The following PDS5A variants were observed in gnomAD, a reference collection of about 807,000 sequenced individuals.
PDS5A encodes the protein PDS5 cohesin associated factor A.
PDS5A carries 42 observed loss-of-function variants against 167.1 expected under a neutral mutation model. That is an observed-to-expected ratio of 0.25 (90% CI 0.20 to 0.33). The LOEUF is 0.33. PDS5A is among the 10% of genes least tolerant of loss of function. The pLI is 1.00. For synonymous variants in PDS5A, 553 were observed against 554.6 expected (o/e 1.00, Z 0.04); for missense variants, 1,033 against 1,605.9 (o/e 0.64, Z 6.10).
intron 29 of PDS5A, among the ~76,000 whole-genome samples, chr4:39,845,163 G>A (rs567840090): frequency 6.6e-6 from 1 of 151,990 alleles, no homozygotes; most frequent in Non-Finnish European, 1.5e-5. Context: ...AGCTGAGATC[G>A]CAACATTGTA....
At chr4:39,897,971 T>C in intron 16 of PDS5A, 1 of 860,908 alleles carries the variant, frequency 1.2e-6, no homozygotes, top group Non-Finnish European at 1.4e-6. Context: ...AAGACAAAAG[T>C]CTAGATAGGA....
intron 25 of PDS5A, among the ~76,000 whole-genome samples, 170 bp from the exon 26 acceptor site, chr4:39,862,503 C>T (rs1423291102): frequency 6.6e-6 from 1 of 152,008 alleles, no homozygotes; most frequent in East Asian, 1.9e-4. Context: ...TTTCTGGTAC[C>T]TGGTATGCAG....
At chr4:39,954,614 C>T (rs1466578841) in intron 2 of PDS5A, among the ~76,000 whole-genome samples, 1 of 148,420 alleles carries the variant, frequency 6.7e-6, no homozygotes, top group Non-Finnish European at 1.5e-5. Flanking sequence ...AGCCACCGTG[C>T]CCAGCCTGAA....
intron 5 of PDS5A, among the ~76,000 whole-genome samples, chr4:39,923,313 G>A (rs1293488947): frequency 7.4e-6 from 1 of 135,674 alleles, no homozygotes; most frequent in Non-Finnish European, 1.5e-5. Flanking sequence ...GGGCAACAGA[G>A]TGAGACTTTG....
chr4:39,939,090 A>T (rs1033190636), intron 2 of PDS5A, among the ~76,000 whole-genome samples: 1 of 151,870 alleles, frequency 6.6e-6, no homozygotes, highest in Non-Finnish European at 1.5e-5. Flanking sequence ...AAAGCCAGTC[A>T]TGTTGGCCAA....
Position 39,862,885 on chromosome 4 carries a change from C to T in PDS5A, c.2955G>A (p.Gln985=). The T allele has an allele frequency of 6.2e-7, 1 of 1,606,274 alleles. No individual in the cohort carries two copies. The highest frequency in any genetic ancestry group is 8.5e-7 in the Non-Finnish European group (1 of 1,176,908). Residue 985 remains glutamine (Q), a synonymous_variant, in exon 25 of 33, where the codon CAG becomes CAA. Transcript: ENST00000303538. ...NISIRREYIK[Q]NPMATEKLLS... ...GTTACTTACCAGTAGCCATAGGATT[C>T]TGCTTAATGTATTCCCTGCGTATAC...
chr4:39,942,412 G>T (rs145295961), intron 2 of PDS5A, among the ~76,000 whole-genome samples: 3 of 151,948 alleles, frequency 2.0e-5, no homozygotes, highest in African/African-American at 7.2e-5. Context: ...CCAAACATAC[G>T]CTCTTACTAA....
intron 2 of PDS5A, among the ~76,000 whole-genome samples, chr4:39,949,886 A>C (rs1043931386): frequency 1.3e-5 from 2 of 149,502 alleles, no homozygotes; most frequent in Non-Finnish European, 3.0e-5. Context: ...AGCATTTGTG[A>C]TGATACTAAA....
At chr4:39,932,422 C>T in intron 2 of PDS5A, 1 of 179,032 alleles carries the variant, frequency 5.6e-6, no homozygotes, top group Non-Finnish European at 1.3e-5. Context: ...AAGAGTGACC[C>T]TGTAGAAGCA....
At chr4:39,831,165 T>C (rs1247765386) in intron 32 of PDS5A, among the ~76,000 whole-genome samples, 2 of 151,630 alleles carry the variant, frequency 1.3e-5, no homozygotes, top group African/African-American at 2.4e-5. Context: ...CTTGGTTCAC[T>C]GCAACCTCCG....
intron 9 of PDS5A, among the ~76,000 whole-genome samples, chr4:39,912,083 T>A (rs953075040): frequency 2.6e-5 from 4 of 152,192 alleles, no homozygotes; most frequent in African/African-American, 7.2e-5. Flanking sequence ...CATGTGTTAA[T>A]AAAATACTGC....
At chr4:39,863,151 T>A in intron 24 of PDS5A, 78 bp from the exon 25 acceptor site, 1 of 1,147,586 alleles carries the variant, frequency 8.7e-7, no homozygotes. Flanking sequence ...TTTAGTGTCT[T>A]CAATTAAAAA....
In PDS5A at chr4:39,877,941, AAAG is replaced by A. The variant is rs1446385206; in HGVS notation, c.1993-791_1993-789del. Among the ~76,000 whole-genome samples, 64 of 152,214 alleles carry A rather than the reference AAAG, an allele frequency of 4.2e-4. 1 individual carries two copies. Among genetic ancestry groups the A allele is most frequent in the Admixed American group, 7.9e-4 (12 of 15,284 alleles). ...TCTATCACTCAACATAATTATCAAC[AAAG>A]AAGCCACTATTGTGAACTTTTAATT... On this transcript the variant is annotated intron_variant, in intron 18 of 32. Transcript: ENST00000303538.
At chr4:39,973,774 C>T in intron 2 of PDS5A, 1 of 1,285,100 alleles carries the variant, frequency 7.8e-7, no homozygotes, top group South Asian at 1.2e-5. Context: ...TGTAATCAAC[C>T]CCTACCAGCC....
At chr4:39,957,538 C>A (rs1729038260) in intron 2 of PDS5A, among the ~76,000 whole-genome samples, 1 of 152,088 alleles carries the variant, frequency 6.6e-6, no homozygotes. Context: ...GTAATCCTAG[C>A]ACTTTGGGAG....
intron 26 of PDS5A, among the ~76,000 whole-genome samples, chr4:39,851,433 G>A (rs1462348502): frequency 6.6e-6 from 1 of 151,956 alleles, no homozygotes; most frequent in African/African-American, 2.4e-5. Flanking sequence ...TGAGTAGCTG[G>A]GGCTACAGGC....
intron 2 of PDS5A, among the ~76,000 whole-genome samples, chr4:39,975,205 A>C (rs1730973029): frequency 6.6e-6 from 1 of 151,834 alleles, no homozygotes; most frequent in Non-Finnish European, 1.5e-5. Context: ...GAACCTGGGA[A>C]GTGGAGGTTG....
At position 39,925,427 on chromosome 4, in the gene PDS5A, G is replaced by A. The variant is rs143255254; in HGVS notation, c.527+409C>T. On this transcript the variant is annotated intron_variant, in intron 5 of 32. Transcript: ENST00000303538. Reference sequence around the variant, plus strand: ...AGCTATTACGTCTCCCAGAACTAATGGTACATACAATATGCATAATTTCTA... The same window carrying A: ...AGCTATTACGTCTCCCAGAACTAATAGTACATACAATATGCATAATTTCTA... 4.5e-4 allele frequency among the ~76,000 whole-genome samples: 69 copies of A among 152,216 alleles called. 1 individual carries two copies. The highest frequency in any genetic ancestry group is 1.6e-3 in the African/African-American group (66 of 41,530).
chr4:39,889,114 G>A (rs1006380793), intron 17 of PDS5A, among the ~76,000 whole-genome samples: 2 of 152,166 alleles, frequency 1.3e-5, no homozygotes, highest in African/African-American at 4.8e-5. Flanking sequence ...GGCCTTTAAA[G>A]AGATAATCAA....
Sources: gnomAD v4.1 joint callset for allele counts (sites outside exome capture counted in the v4.1 genomes callset) on GRCh38, gnomAD v4.1.1 for gene constraint, MANE v1.5 for transcripts, NCBI Gene and HGNC (gene_info 2026-07-23, HGNC 2026-07-21) for gene names.